ZNF141: variants seen among roughly 807,000 people sequenced by gnomAD.
ZNF141 encodes the protein zinc finger protein 141 (clone pHZ-44).
ZNF141 carries 7 observed loss-of-function variants against 11.3 expected under a neutral mutation model. The ratio of observed to expected loss-of-function variants is 0.62; its 90% CI spans 0.35 to 1.16. The LOEUF is 1.16. Ranked by LOEUF, ZNF141 falls within the 50% of genes most tolerant of loss-of-function variation. The pLI is 0.02. For synonymous variants in ZNF141, 183 were observed against 190.7 expected, an observed-to-expected ratio of 0.96 and a Z score of 0.33; for missense variants, 535 against 554.0, an observed-to-expected ratio of 0.97 and a Z score of 0.34.
At chr4:348,720 C>T (rs1553849998) in intron 3 of ZNF141, among the ~76,000 whole-genome samples, 1 of 148,314 alleles carries the variant, frequency 6.7e-6, no homozygotes, top group East Asian at 2.0e-4. Context: ...CAGAGCTGGA[C>T]TCCATCTCAA....
chr4:346,867 A>G (rs1283084663), intron 3 of ZNF141, among the ~76,000 whole-genome samples: 4 of 136,626 alleles, frequency 2.9e-5, no homozygotes, highest in Admixed American at 2.9e-4. Flanking sequence ...ACATGTATGT[A>G]TATATATGTA....
At position 381,945 on chromosome 4, in the gene ZNF141, A is replaced by ATTTTTTTTTTTTTTTTTTTT. The variant is rs1553855749; in HGVS notation, c.*8083_*8084insTTTTTTTTTTTTTTTTTTTT. Among the ~76,000 whole-genome samples, 1 of 110,048 alleles carries ATTTTTTTTTTTTTTTTTTTT rather than the reference A, an allele frequency of 9.1e-6. No homozygotes were observed. 72.2% of individuals were successfully genotyped at this position (110,048 alleles called of 152,430 possible). On this transcript the variant is annotated 3_prime_UTR_variant, in exon 4 of 4. Coordinates refer to ENST00000240499, the MANE Select transcript of ZNF141 (RefSeq NM_003441.4). ...GCTAGGGCCACCACCATCTCTGGGA[A>ATTTTTTTTTTTTTTTTTTTT]CTTTTTTTTTTTTTTTTTTTGAGAC...
intron 3 of ZNF141, among the ~76,000 whole-genome samples, chr4:345,863 T>G (rs115731956): frequency 0.024 from 3,673 of 152,292 alleles, 150 homozygotes; most frequent in African/African-American, 0.084. Flanking sequence ...CTTCTATATT[T>G]CTTAAATGCA....
chr4:366,331 C>CA (rs1711739546), intron 3 of ZNF141, among the ~76,000 whole-genome samples: 1 of 152,118 alleles, frequency 6.6e-6, no homozygotes, highest in Non-Finnish European at 1.5e-5. Flanking sequence ...CTTTTTGAGA[C>CA]AAAGTCTCAC....
Position 346,893 on chromosome 4 carries a change from A to ACCCCC in ZNF141, c.226+2465_226+2466insCCCCC, listed in dbSNP as rs781896435. On this transcript the variant is annotated intron_variant, in intron 3 of 3. Transcript: ENST00000240499. ...TATATATGTATACACACACACACAC[A>ACCCCC]CCGCCCCCCCCATATATTGGCTACT... Among the ~76,000 whole-genome samples the ACCCCC allele has an allele frequency of 2.1e-3, 278 of 135,328 alleles. 12 individuals are homozygous for ACCCCC. The highest frequency in any genetic ancestry group is 7.6e-3 in the African/African-American group (238 of 31,244). The allele number at this position is 135,328 out of a possible 152,430, so 88.8% of individuals were successfully genotyped here. A position where few individuals can be genotyped will look rare whatever the true frequency, so the allele number is the denominator to read the frequency against.
chr4:379,940 T>A lies in ZNF141; in HGVS notation c.*6078T>A, dbSNP rs940294575. ...CTCATAACATTGACTGTGTTAGCAT[T>A]TTCCAAAAATACATTATTGTTAACT... On this transcript the variant is annotated 3_prime_UTR_variant, in exon 4 of 4. Transcript: ENST00000240499. Among the ~76,000 whole-genome samples, 1 of 152,222 alleles carries A rather than the reference T, an allele frequency of 6.6e-6. No individual in the cohort carries two copies. The highest frequency in any genetic ancestry group is 1.5e-5 in the Non-Finnish European group (1 of 68,038).
At chr4:344,165 C>T (rs1216486009) in intron 2 of ZNF141, among the ~76,000 whole-genome samples, 170 bp from the exon 3 acceptor site, 2 of 152,080 alleles carry the variant, frequency 1.3e-5, no homozygotes, top group African/African-American at 4.8e-5. Flanking sequence ...AACTTAGAAC[C>T]CGCAGATTTA....
chr4:374,480 CT>C lies in ZNF141; in HGVS notation c.*620del. On this transcript the variant is annotated 3_prime_UTR_variant, in exon 4 of 4. Transcript: ENST00000240499. ...ACACATGTAAAGAATGTGGCAAAGC[CT>C]TCAATAGGTTCTCAACCCTTACTGT... is the stretch of plus-strand genomic sequence containing the variant. 1 of 300,032 alleles carries C rather than the reference CT, an allele frequency of 3.3e-6. No homozygotes were observed. The highest frequency in any genetic ancestry group is 3.6e-5 in the Admixed American group (1 of 27,684). The allele number at this position is 300,032 out of a possible 1,614,324, so 18.6% of individuals were successfully genotyped here. A position where few individuals can be genotyped will look rare whatever the true frequency, so the allele number is the denominator to read the frequency against.
chr4:356,533 C>T (rs1721849063), intron 3 of ZNF141, among the ~76,000 whole-genome samples: 1 of 151,858 alleles, frequency 6.6e-6, no homozygotes, highest in African/African-American at 2.4e-5. Context: ...CACTGTGTTT[C>T]AATCTCTTGA....
Position 380,435 on chromosome 4 carries a change from T to C in ZNF141, c.*6573T>C, listed in dbSNP as rs1275977879. Among the ~76,000 whole-genome samples, 3 of 152,132 alleles carry C rather than the reference T, an allele frequency of 2.0e-5. No homozygotes were observed. The highest frequency in any genetic ancestry group is 7.2e-5 in the African/African-American group (3 of 41,444). On this transcript the variant is annotated 3_prime_UTR_variant, in exon 4 of 4. Coordinates refer to ENST00000240499, the MANE Select transcript of ZNF141 (RefSeq NM_003441.4). ...TTGGGCGCCCAAGGCAGGTGGATCA[T>C]GAGGTCAGGAGTTTGAGACCAGTCT...
chr4:350,728 G>A (rs1054217587), intron 3 of ZNF141, among the ~76,000 whole-genome samples: 10 of 151,932 alleles, frequency 6.6e-5, no homozygotes, highest in African/African-American at 2.2e-4. Context: ...GAGTTCTCCC[G>A]AGATCTTATT....
intron 3 of ZNF141, among the ~76,000 whole-genome samples, chr4:361,992 C>A (rs1711517721): frequency 6.6e-6 from 1 of 152,218 alleles, no homozygotes; most frequent in Non-Finnish European, 1.5e-5. Context: ...ACAGTCCCAT[C>A]AACAGTGTAA....
chr4:360,192 T>C (rs1581608578), intron 3 of ZNF141, among the ~76,000 whole-genome samples: 1 of 152,220 alleles, frequency 6.6e-6, no homozygotes, highest in South Asian at 2.1e-4. Context: ...GCTTAACTGC[T>C]GCATTTTTGT....
rs564132301 is a variant in ZNF141, at chr4:347,955, C to T, written c.226+3525C>T. Among the ~76,000 whole-genome samples the T allele has an allele frequency of 5.9e-5, 9 of 152,064 alleles. No homozygotes were observed. The East Asian group carries it at 1.7e-3, about 30-fold the overall frequency. ...TGTCTCTCGGGTTCAAGCGATTCTC[C>T]TGCCTCAGCCTCCCGAGTAGCTGGG... On this transcript the variant is annotated intron_variant, in intron 3 of 3. Transcript: ENST00000240499.
In ZNF141 at chr4:372,971, AT is replaced by A. The variant is rs1313155833; in HGVS notation, c.535del (p.Ser179HisfsTer8). The A allele has an allele frequency of 6.2e-7, 1 of 1,614,024 alleles. No individual in the cohort carries two copies. The highest frequency in any genetic ancestry group is 8.5e-7 in the Non-Finnish European group (1 of 1,179,998). On this transcript the variant is annotated frameshift_variant, in exon 4 of 4. Transcript: ENST00000240499. LOFTEE classifies it low-confidence loss of function (END_TRUNC). ...GEKHFKECGKSFQKFSHLTQH... is the reference protein window; with the variant it reads ...GEKHFKECGKXFQKFSHLTQH... Reference sequence around the variant, plus strand: ...AGAAACACTTTAAAGAATGTGGCAAATCATTTCAGAAGTTTTCACACCTAAC... The same window carrying A: ...AGAAACACTTTAAAGAATGTGGCAAACATTTCAGAAGTTTTCACACCTAAC...
chr4:372,897 G>C lies in ZNF141; in HGVS notation c.460G>C (p.Val154Leu). 13 of 1,613,528 alleles carry C rather than the reference G, an allele frequency of 8.1e-6. No individual in the cohort carries two copies. The highest frequency in any genetic ancestry group is 1.1e-5 in the Non-Finnish European group (13 of 1,179,630). ...ILQCKASVKV[V>L]SKFSNSNKRK... ...TCAGTGTAAAGCAAGTGTCAAAGTT[G>C]TTAGTAAATTTTCAAATTCAAACAA... The change falls in exon 4 of 4, where the codon GTT (valine) becomes CTT (leucine). Residue 154 changes from valine (V) to leucine (L), a missense_variant. Coordinates refer to ENST00000240499, the MANE Select transcript of ZNF141 (RefSeq NM_003441.4).
intron 1 of ZNF141, chr4:338,463 G>C (rs1322394908): frequency 6.1e-6 from 1 of 164,708 alleles, no homozygotes; most frequent in African/African-American, 2.4e-5. Flanking sequence ...AAAAGCTTTT[G>C]TGAGGTGTGT....
At chr4:338,054 G>C (rs899552800) in intron 1 of ZNF141, 68 bp downstream of exon 1, 3 of 1,605,464 alleles carry the variant, frequency 1.9e-6, no homozygotes, top group Non-Finnish European at 1.7e-6. Flanking sequence ...AAATGGCGGC[G>C]GGACCGAGTC....
chr4:350,660 G>A (rs1169035325), intron 3 of ZNF141, among the ~76,000 whole-genome samples: 1 of 152,166 alleles, frequency 6.6e-6, no homozygotes, highest in African/African-American at 2.4e-5. Context: ...TCGTAGGGTT[G>A]GCTTTTCATG....
Sources: gnomAD v4.1 joint callset for allele counts (sites outside exome capture counted in the v4.1 genomes callset) on GRCh38, gnomAD v4.1.1 for gene constraint, MANE v1.5 for transcripts, NCBI Gene and HGNC (gene_info 2026-07-23, HGNC 2026-07-21) for gene names.